Variants in KLHL24 observed in about 807,000 individuals in gnomAD.
KLHL24 encodes kelch like family member 24, also known as kelch-like protein 24.
A neutral mutation model predicts 53.4 loss-of-function variants in KLHL24; 29 were observed. The observed-to-expected ratio is 0.54, with a 90% CI of 0.40 to 0.74. The LOEUF (loss-of-function observed/expected upper bound fraction) is 0.74. Ranked by LOEUF, KLHL24 falls within the 30% of genes least tolerant of loss-of-function variation. The pLI is 0.00. For missense variants in KLHL24, 504 were observed against 744.0 expected, an observed-to-expected ratio of 0.68 and a Z score of 3.75; for synonymous variants, 222 against 253.7, an observed-to-expected ratio of 0.88 and a Z score of 1.19.
intron 7 of KLHL24, among the ~76,000 whole-genome samples, chr3:183,675,151 A>G (rs1041785817): frequency 6.6e-6 from 1 of 152,202 alleles, no homozygotes; most frequent in Non-Finnish European, 1.5e-5. Context: ...GTAAATATAT[A>G]TATATTGAAT....
intron 1 of KLHL24, among the ~76,000 whole-genome samples, chr3:183,639,771 C>T (rs1284941207): frequency 2.0e-5 from 3 of 151,956 alleles, no homozygotes; most frequent in Non-Finnish European, 4.4e-5. Flanking sequence ...TTTGGGAGGC[C>T]GGGCCAGGTG....
At chr3:183,638,911 T>C (rs1715824447) in intron 1 of KLHL24, among the ~76,000 whole-genome samples, 1 of 152,236 alleles carries the variant, frequency 6.6e-6, no homozygotes, top group African/African-American at 2.4e-5. Context: ...GTTTTAAAAG[T>C]AGGCTTTGGC....
chr3:183,636,832 C>T (rs1451775884), intron 1 of KLHL24: 2 of 151,528 alleles, frequency 1.3e-5, no homozygotes, highest in Non-Finnish European at 2.9e-5. Flanking sequence ...GCGGGAGGCG[C>T]GCGCTCCCGC....
Position 183,650,874 on chromosome 3 carries a change from G to A in KLHL24, c.518G>A (p.Arg173His), listed in dbSNP as rs765278287. The A allele has an allele frequency of 1.2e-5, 19 of 1,613,938 alleles. No homozygotes were observed. The highest frequency in any genetic ancestry group is 1.7e-5 in the Admixed American group (1 of 59,992). ...LDPCNCLGIQRFADTHSLKTL... is the reference protein window; with the variant it reads ...LDPCNCLGIQHFADTHSLKTL... ...CCTTGTAATTGCTTAGGAATCCAGC[G>A]CTTTGCTGATACCCATTCACTCAAA... The change falls in exon 3 of 8, where the codon CGC becomes CAC. Residue 173 changes from arginine to histidine, a missense_variant. Transcript: ENST00000242810. The surrounding 1 kb of genome is among the most constrained non-coding windows in gnomAD (Gnocchi z 4.5).
chr3:183,678,243 C>G (rs1712236893), intron 7 of KLHL24, among the ~76,000 whole-genome samples: 1 of 152,204 alleles, frequency 6.6e-6, no homozygotes, highest in Non-Finnish European at 1.5e-5. Context: ...ATTTCTATGG[C>G]CCAGCCAAGG....
intron 3 of KLHL24, among the ~76,000 whole-genome samples, chr3:183,656,001 T>C (rs139083817): frequency 1.9e-4 from 28 of 148,142 alleles, no homozygotes; most frequent in African/African-American, 5.9e-4. Flanking sequence ...ATAACTGCAC[T>C]ACATCCTCTG....
rs1392796848 is a variant in KLHL24 at position 183,672,852 on chromosome 3, G to T, written c.1602+368G>T. The T allele has an allele frequency of 2.6e-5, 4 of 153,464 alleles. No individual in the cohort carries two copies. In the East Asian group the frequency reaches 7.6e-4, roughly 29 times the overall value. The allele number at this position is 153,464 out of a possible 1,614,324, so 9.5% of individuals were successfully genotyped here. ...TCTGCTAAAAATACAAAATTAGCTGGGCGTGGTGGCGCATTGCCTGTAATC... is the reference window on the plus strand; with the variant it reads ...TCTGCTAAAAATACAAAATTAGCTGTGCGTGGTGGCGCATTGCCTGTAATC... On this transcript the variant is annotated intron_variant, in intron 7 of 7. Coordinates refer to ENST00000242810, the MANE Select transcript of KLHL24 (RefSeq NM_017644.3).
At chr3:183,640,506 T>C (rs951097908) in intron 1 of KLHL24, among the ~76,000 whole-genome samples, 2 of 152,194 alleles carry the variant, frequency 1.3e-5, no homozygotes, top group African/African-American at 4.8e-5. Context: ...CTAATAAATA[T>C]GGGGTAATCC....
intron 1 of KLHL24, among the ~76,000 whole-genome samples, chr3:183,639,122 A>G (rs1333423149): frequency 6.6e-6 from 1 of 151,826 alleles, no homozygotes; most frequent in Admixed American, 6.6e-5. Context: ...AATCACTTGA[A>G]CCGGGAGGCG....
Position 183,676,025 on chromosome 3 carries a change from T to C in KLHL24, c.1603-3061T>C, listed in dbSNP as rs561417239. Among the ~76,000 whole-genome samples, 102 of 152,304 alleles carry C rather than the reference T, an allele frequency of 6.7e-4. 1 individual carries two copies. Among genetic ancestry groups the C allele is most frequent in the African/African-American group, 2.4e-3 (98 of 41,568 alleles). Reference sequence around the variant, plus strand: ...TAGAAATTTAAAGAAAATAAACATTTGGATCAGAAGTATATTAAGTCTAAC... The same window carrying C: ...TAGAAATTTAAAGAAAATAAACATTCGGATCAGAAGTATATTAAGTCTAAC... On this transcript the variant is annotated intron_variant, in intron 7 of 7. Transcript: ENST00000242810.
At chr3:183,652,943 A>C (rs573203797) in intron 3 of KLHL24, among the ~76,000 whole-genome samples, 1 of 152,366 alleles carries the variant, frequency 6.6e-6, no homozygotes, top group East Asian at 1.9e-4. Flanking sequence ...ATATGTTGTA[A>C]AATCAAAATA....
chr3:183,640,708 C>T (rs6779881), intron 1 of KLHL24, among the ~76,000 whole-genome samples: 50,802 of 150,954 alleles, frequency 0.34, 9,370 homozygotes, highest in African/African-American at 0.49. Flanking sequence ...CAAGCATTTC[C>T]GCTGCCTCAG....
At position 183,683,590 on chromosome 3, in the gene KLHL24, CT is replaced by C. The variant is rs1192978486; in HGVS notation, c.*4307del. On this transcript the variant is annotated 3_prime_UTR_variant, in exon 8 of 8. Transcript: ENST00000242810. The stretch of plus-strand genomic sequence containing the variant: ...GTGTGAATGAATAATTCCAGAGACA[CT>C]TTAGACATTTTTTAATGTTTTATAT... 1 of 152,540 alleles carries C rather than the reference CT, an allele frequency of 6.6e-6. No homozygotes were observed. The highest frequency in any genetic ancestry group is 2.4e-5 in the African/African-American group (1 of 41,426). The allele number at this position is 152,540 out of a possible 1,614,324, so 9.4% of individuals were successfully genotyped here. A position where few individuals can be genotyped will look rare whatever the true frequency, so the allele number is the denominator to read the frequency against.
rs1364036151 is a variant in KLHL24 at position 183,682,066 on chromosome 3, AACTTTTT to A, written c.*2783_*2789del. The A allele has an allele frequency of 1.3e-5, 2 of 152,156 alleles. No individual in the cohort carries two copies. Among genetic ancestry groups the A allele is most frequent in the Non-Finnish European group, 1.5e-5 (1 of 67,986 alleles). 9.4% of individuals were successfully genotyped at this position (152,156 alleles called of 1,614,324 possible). On this transcript the variant is annotated 3_prime_UTR_variant, in exon 8 of 8. Coordinates refer to ENST00000242810, the MANE Select transcript of KLHL24 (RefSeq NM_017644.3). ...TTTTTTTTTATTTGGGCATTTCTAG[AACTTTTT>A]ACATTTGAAAGTACATGATGAGTAT...
At position 183,671,118 on chromosome 3, in the gene KLHL24, G is replaced by A; in HGVS notation, c.1309G>A (p.Val437Ile). Residue 437 changes from valine (V) to isoleucine (I), a missense_variant, in exon 6 of 8, where the codon GTT becomes ATT. Transcript: ENST00000242810. ...YDSFSNRWTE[V>I]APLKEAVSSP... is the part of the protein sequence containing the mutation. ...TTCCTTTTCAAATCGATGGACTGAA[G>A]TTGCTCCCCTTAAGGAAGCCGTGAG... is the stretch of plus-strand genomic sequence containing the variant. 1 of 1,614,008 alleles carries A rather than the reference G, an allele frequency of 6.2e-7. No individual in the cohort carries two copies. Among genetic ancestry groups the A allele is most frequent in the Non-Finnish European group, 8.5e-7 (1 of 1,179,948 alleles).
intron 7 of KLHL24, among the ~76,000 whole-genome samples, chr3:183,674,303 CCTTT>C (rs1433221868): frequency 3.9e-5 from 5 of 126,700 alleles, no homozygotes; most frequent in African/African-American, 9.0e-5. Context: ...TTCTTTCTTT[CCTTT>C]CTTCCTTCCT....
At chr3:183,643,834 T>C (rs1716821846) in intron 2 of KLHL24, among the ~76,000 whole-genome samples, 1 of 152,152 alleles carries the variant, frequency 6.6e-6, no homozygotes, top group Non-Finnish European at 1.5e-5. Flanking sequence ...CCTACTTATT[T>C]TGTCTAGAGA....
At position 183,680,570 on chromosome 3, in the gene KLHL24, A is replaced by G. The variant is rs1712574552; in HGVS notation, c.*1284A>G. On this transcript the variant is annotated 3_prime_UTR_variant, in exon 8 of 8. Transcript: ENST00000242810. Reference sequence around the variant, plus strand: ...AAGGTAAGTCTTTCATTTGGTCCCCATTGTGTAAAATACTAATCAACATTT... The same window carrying G: ...AAGGTAAGTCTTTCATTTGGTCCCCGTTGTGTAAAATACTAATCAACATTT... 1 of 152,214 alleles carries G rather than the reference A, an allele frequency of 6.6e-6. No homozygotes were observed. The highest frequency in any genetic ancestry group is 2.4e-5 in the African/African-American group (1 of 41,464). 9.4% of individuals were successfully genotyped at this position (152,214 alleles called of 1,614,324 possible).
intron 5 of KLHL24, among the ~76,000 whole-genome samples, chr3:183,669,637 A>C (rs1721071553): frequency 6.6e-6 from 1 of 152,200 alleles, no homozygotes; most frequent in South Asian, 2.1e-4. Context: ...TTGGGGGTGC[A>C]CAGAAAGATA....
Sources: allele counts gnomAD v4.1 joint callset (sites outside exome capture counted in the v4.1 genomes callset), GRCh38; gene constraint gnomAD v4.1.1; non-coding constraint Gnocchi (gnomAD v3.1); transcripts MANE v1.5; gene names NCBI Gene and HGNC (gene_info 2026-07-23, HGNC 2026-07-21).